RPL6: variants seen among roughly 807,000 people sequenced by gnomAD.
The protein encoded by RPL6 is ribosomal protein L6.
A neutral mutation model predicts 32.1 loss-of-function variants in RPL6; 1 was observed. The observed-to-expected ratio is 0.03, with a 90% confidence interval of 0.01 to 0.15. RPL6 has a LOEUF of 0.15. Among genes scored for constraint, RPL6 ranks in the 10% least tolerant of loss-of-function variants. The pLI is 1.00. For missense variants in RPL6, 275 were observed against 354.6 expected (o/e 0.78, Z 1.80); for synonymous variants, 126 against 131.6 (o/e 0.96, Z 0.29).
chr12:112,411,751 T>C (rs2037343457), upstream of RPL6, among the ~76,000 whole-genome samples: 1 of 152,216 alleles, frequency 6.6e-6, no homozygotes, highest in African/African-American at 2.4e-5. Context: ...TACAATTCAT[T>C]AGTTGGGCAA....
chr12:112,409,992 C>G (rs2135805207), upstream of RPL6, among the ~76,000 whole-genome samples: 1 of 117,198 alleles, frequency 8.5e-6, no homozygotes, highest in East Asian at 2.7e-4. Flanking sequence ...GGCAACAGAG[C>G]AAGATTCTCA....
rs1359209156 is a variant in RPL6, at chr12:112,408,516, G to C, written c.141C>G (p.Asn47Lys). ...PKKGKPHCSR[N>K]PVLVRGIGRY... ...TGCCAATTCCTCTGACAAGGACAGG[G>C]TTGCGGCTGCAATGGGGCTTCCCCT... The change falls in exon 2 of 7, where the codon AAC becomes AAG. Residue 47 changes from asparagine to lysine, a missense_variant. Transcript: ENST00000202773. The C allele has an allele frequency of 6.2e-7, 1 of 1,613,020 alleles. No individual in the cohort carries two copies. The highest frequency in any genetic ancestry group is 8.5e-7 in the Non-Finnish European group (1 of 1,179,994).
intron 6 of RPL6, chr12:112,405,645 C>T: frequency 1.6e-6 from 1 of 614,844 alleles, no homozygotes; most frequent in African/African-American, 1.9e-5. Flanking sequence ...TTAATTCCCA[C>T]ACAATTCCAC....
Position 112,408,608 on chromosome 12 carries a change from C to G in RPL6, c.49G>C (p.Glu17Gln), listed in dbSNP as rs771602432. 1.3e-6 allele frequency: 2 copies of G among 1,585,776 alleles called. No individual in the cohort carries two copies. The highest frequency in any genetic ancestry group is 2.3e-5 in the South Asian group (2 of 88,102). ...EKPDTKEKKP[E>Q]AKKVDAGGKV... The stretch of plus-strand genomic sequence containing the variant: ...CCACCAGCATCAACCTTCTTGGCTT[C>G]GGGTTTCTTCTCTTTAGTATCTGGC... The change falls in exon 2 of 7, where the codon GAA (glutamate) becomes CAA (glutamine). Residue 17 changes from glutamate (E) to glutamine (Q), a missense_variant. Glu to Gln is a conservative substitution (Grantham distance 29, BLOSUM62 2). Transcript: ENST00000202773.
chr12:112,408,390 A>T (rs1238619338), intron 2 of RPL6, 30 bp downstream of exon 2: 1 of 1,613,542 alleles, frequency 6.2e-7, no homozygotes, highest in Non-Finnish European at 8.5e-7. Flanking sequence ...TAAGGTTAAG[A>T]CATAATGGTC....
chr12:112,405,799 A>G, intron 6 of RPL6, 54 bp downstream of exon 6: 1 of 1,416,390 alleles, frequency 7.1e-7, no homozygotes, highest in Non-Finnish European at 9.6e-7. Flanking sequence ...GTTTCTTTTC[A>G]CTCCCAGGTA....
chr12:112,406,930 ATT>A, intron 3 of RPL6, 40 bp from the exon 4 acceptor site: 1 of 1,607,696 alleles, frequency 6.2e-7, no homozygotes, highest in Non-Finnish European at 8.5e-7. Flanking sequence ...TAAATAAGCC[ATT>A]CAGATTACTA....
chr12:112,412,766 A>G (rs2037356206), upstream of RPL6, among the ~76,000 whole-genome samples: 1 of 152,108 alleles, frequency 6.6e-6, no homozygotes, highest in African/African-American at 2.4e-5. Context: ...TCTGCTAAAA[A>G]TACAAAAATT....
At chr12:112,415,743 T>C (rs1039658538) in intron 1 of RPL6, among the ~76,000 whole-genome samples, 3 of 151,760 alleles carry the variant, frequency 2.0e-5, no homozygotes, top group Admixed American at 2.0e-4. Flanking sequence ...TTTTTTTTTT[T>C]GTAGGGACAG....
intron 2 of RPL6, 26 bp from the exon 3 acceptor site, chr12:112,408,364 G>A (rs776633470): frequency 5.0e-6 from 8 of 1,613,038 alleles, no homozygotes; most frequent in Non-Finnish European, 6.8e-6. Flanking sequence ...TGCATCAACA[G>A]TAAGAGAATG....
At chr12:112,415,671 G>A (rs1478748013) in intron 1 of RPL6, among the ~76,000 whole-genome samples, 2 of 151,826 alleles carry the variant, frequency 1.3e-5, no homozygotes, top group East Asian at 3.9e-4. Context: ...AGCCGGGATT[G>A]CGCCACTGCA....
chr12:112,411,313 G>T (rs1432288719), upstream of RPL6: 1 of 152,104 alleles, frequency 6.6e-6, no homozygotes, highest in Non-Finnish European at 1.5e-5. Context: ...TCTAGCTTGC[G>T]TTTTCCATTT....
chr12:112,416,279 A>G (rs1405155903), intron 1 of RPL6, among the ~76,000 whole-genome samples: 1 of 151,582 alleles, frequency 6.6e-6, no homozygotes, highest in African/African-American at 2.4e-5. Context: ...AGCTGGGACT[A>G]CAGGTGCCCA....
chr12:112,417,520 C>T (rs1032705638), intron 1 of RPL6, among the ~76,000 whole-genome samples: 11 of 147,380 alleles, frequency 7.5e-5, no homozygotes, highest in Non-Finnish European at 1.3e-4. Flanking sequence ...TCGAGCTTCA[C>T]AGAGTGTCCA....
chr12:112,408,008 CCA>C (rs2037227697), intron 3 of RPL6: 1 of 517,360 alleles, frequency 1.9e-6, no homozygotes, highest in South Asian at 2.3e-5. Flanking sequence ...GCATTAGCCA[CCA>C]CACTCAGCCT....
chr12:112,406,253 T>C (rs1566140433), intron 5 of RPL6, 41 bp downstream of exon 5: 10 of 1,556,212 alleles, frequency 6.4e-6, no homozygotes, highest in Non-Finnish European at 8.0e-6. Flanking sequence ...CATTTAAAAA[T>C]GGAAGTTTCA....
chr12:112,408,776 A>G, intron 1 of RPL6, 120 bp from the exon 2 acceptor site: 1 of 811,120 alleles, frequency 1.2e-6, no homozygotes, highest in Non-Finnish European at 1.9e-6. Flanking sequence ...TCCCCCGGTA[A>G]GATACAGGCC....
chr12:112,409,732 C>T (rs1348601416), upstream of RPL6: 3 of 354,596 alleles, frequency 8.5e-6, no homozygotes, highest in Non-Finnish European at 1.5e-5. Flanking sequence ...AATCCTAGGC[C>T]GGGTGCGGTG....
chr12:112,414,609 G>T (rs910613572), upstream of RPL6, among the ~76,000 whole-genome samples: 1 of 152,102 alleles, frequency 6.6e-6, no homozygotes, highest in Non-Finnish European at 1.5e-5. Flanking sequence ...GCTAGATCAA[G>T]AACTTAATTG....
Sources: gnomAD v4.1 joint callset for allele counts (sites outside exome capture counted in the v4.1 genomes callset) on GRCh38, gnomAD v4.1.1 for gene constraint, MANE v1.5 for transcripts, NCBI Gene and HGNC (gene_info 2026-07-23, HGNC 2026-07-21) for gene names.